Variants in SRSF12 observed in about 807,000 individuals in gnomAD.
SRSF12 encodes serine and arginine rich splicing factor 12.
In SRSF12, 21 loss-of-function variants were observed where a neutral mutation model predicts 34.1. That is an observed-to-expected ratio of 0.62 (90% CI 0.44 to 0.89). The LOEUF (loss-of-function observed/expected upper bound fraction) is 0.89. Among genes scored for constraint, SRSF12 ranks in the 40% least tolerant of loss-of-function variants. The pLI is 0.00. For missense variants in SRSF12, 278 were observed against 327.8 expected, an observed-to-expected ratio of 0.85 and a Z score of 1.17; for synonymous variants, 111 against 110.8, an observed-to-expected ratio of 1.00 and a Z score of -0.01.
intron 1 of SRSF12, among the ~76,000 whole-genome samples, chr6:89,113,207 C>A (rs1185402015): frequency 6.6e-6 from 1 of 152,152 alleles, no homozygotes; most frequent in Non-Finnish European, 1.5e-5. Context: ...CACAATTTCA[C>A]TCTGTCACCC....
chr6:89,108,000 A>G (rs1018842888), intron 1 of SRSF12, among the ~76,000 whole-genome samples: 3 of 152,214 alleles, frequency 2.0e-5, no homozygotes, highest in African/African-American at 7.2e-5. Flanking sequence ...TCTTGTTTTC[A>G]GATAGCAAGA....
chr6:89,098,780 G>C lies in SRSF12; in HGVS notation c.584C>G (p.Ser195Ter), dbSNP rs745951507. The C allele has an allele frequency of 1.2e-6, 2 of 1,613,920 alleles. No homozygotes were observed. The highest frequency in any genetic ancestry group is 1.7e-6 in the Non-Finnish European group (2 of 1,179,862). ...LQKRSKSIGK[S>*]QSSSPQKQTS... ...CTGCTTTTGAGGTGAACTTGACTGT[G>C]ATTTTCCTATTGACTTGGACCTCTT... is the stretch of plus-strand genomic sequence containing the variant. The change falls in exon 5 of 5, where the codon TCA becomes TGA. Residue 195 changes from serine (S) to a stop codon, truncating the protein, a stop_gained. Transcript: ENST00000452027. LOFTEE classifies it high-confidence loss of function.
intron 1 of SRSF12, 92 bp downstream of exon 1, chr6:89,117,731 C>G (rs1235338173): frequency 2.3e-6 from 3 of 1,313,374 alleles, no homozygotes; most frequent in Non-Finnish European, 3.0e-6. Context: ...CGCAGCTCCC[C>G]CGAGCCTCCG....
At chr6:89,107,739 CA>C (rs1026862972) in intron 1 of SRSF12, among the ~76,000 whole-genome samples, 1 of 149,232 alleles carries the variant, frequency 6.7e-6, no homozygotes, top group African/African-American at 2.5e-5. Context: ...GACCCTGTCT[CA>C]AAAAAAAAGA....
chr6:89,104,829 G>A (rs1768710101), intron 4 of SRSF12, among the ~76,000 whole-genome samples: 1 of 152,064 alleles, frequency 6.6e-6, no homozygotes, highest in East Asian at 1.9e-4. Flanking sequence ...GAGGTGGGAG[G>A]AACACTTGAG....
intron 1 of SRSF12, among the ~76,000 whole-genome samples, chr6:89,111,336 A>T (rs1203851450): frequency 1.3e-5 from 2 of 152,134 alleles, no homozygotes; most frequent in Non-Finnish European, 2.9e-5. Flanking sequence ...TCTTGAAAAT[A>T]TGTTGTAGTT....
At chr6:89,111,757 G>C (rs1432259629) in intron 1 of SRSF12, among the ~76,000 whole-genome samples, 1 of 152,044 alleles carries the variant, frequency 6.6e-6, no homozygotes, top group Admixed American at 6.6e-5. Flanking sequence ...TATGATGTTA[G>C]CTATGTTTTT....
At position 89,104,568 on chromosome 6, in the gene SRSF12, C is replaced by T. The variant is rs1408604423; in HGVS notation, c.416+551G>A. ...TATTTTTTTTTACTTTTTTTTTCTG[C>T]TCACTATATATTATCTTCTCATGTA... On this transcript the variant is annotated intron_variant, in intron 4 of 4. Coordinates refer to ENST00000452027, the MANE Select transcript of SRSF12 (RefSeq NM_080743.5). 3.3e-5 allele frequency among the ~76,000 whole-genome samples: 5 copies of T among 151,112 alleles called. No homozygotes were observed. In the South Asian group the frequency reaches 8.3e-4, roughly 25 times the overall value.
intron 1 of SRSF12, among the ~76,000 whole-genome samples, chr6:89,117,520 A>AG (rs1404016652): frequency 1.3e-5 from 2 of 152,224 alleles, no homozygotes; most frequent in East Asian, 1.9e-4. Flanking sequence ...AGCTCGGGAG[A>AG]GGGGCGCCCC....
At chr6:89,115,164 C>T (rs1303094152) in intron 1 of SRSF12, among the ~76,000 whole-genome samples, 1 of 152,056 alleles carries the variant, frequency 6.6e-6, no homozygotes, top group East Asian at 1.9e-4. Flanking sequence ...GTGATGTGAT[C>T]ATCGTTCACT....
At chr6:89,100,751 T>C (rs1202429033) in intron 4 of SRSF12, among the ~76,000 whole-genome samples, 1 of 152,070 alleles carries the variant, frequency 6.6e-6, no homozygotes, top group Admixed American at 6.5e-5. Context: ...ACTAAAAATA[T>C]ATGATATCTG....
chr6:89,111,435 A>G (rs757026091), intron 1 of SRSF12, among the ~76,000 whole-genome samples: 5 of 152,174 alleles, frequency 3.3e-5, no homozygotes, highest in Non-Finnish European at 7.3e-5. Flanking sequence ...ACTGTTTTTT[A>G]AAATTGTCAT....
At chr6:89,113,461 C>T (rs1468996745) in intron 1 of SRSF12, among the ~76,000 whole-genome samples, 1 of 152,040 alleles carries the variant, frequency 6.6e-6, no homozygotes, top group Non-Finnish European at 1.5e-5. Context: ...CGTGAGCCAC[C>T]GCACCCAGCC....
chr6:89,105,756 CA>C (rs1205642314), intron 2 of SRSF12: 1 of 296,418 alleles, frequency 3.4e-6, no homozygotes, highest in Middle Eastern at 1.0e-3. Flanking sequence ...AAGAACAAAA[CA>C]AACATGTAAC....
At chr6:89,105,616 T>C (rs1004023760) in intron 2 of SRSF12, 86 bp from the exon 3 acceptor site, 10 of 990,712 alleles carry the variant, frequency 1.0e-5, no homozygotes, top group South Asian at 2.5e-5. Context: ...ATGAAATTAA[T>C]AGGAAAATCA....
chr6:89,112,447 C>CTTTTT (rs760181452), intron 1 of SRSF12, among the ~76,000 whole-genome samples: 2 of 128,880 alleles, frequency 1.6e-5, no homozygotes, highest in Non-Finnish European at 1.7e-5. Flanking sequence ...TCTTTTCTTT[C>CTTTTT]TTTTTTTTTT....
intron 4 of SRSF12, among the ~76,000 whole-genome samples, chr6:89,103,394 T>C (rs1488150676): frequency 6.6e-6 from 1 of 151,900 alleles, no homozygotes; most frequent in East Asian, 1.9e-4. Context: ...AGTGGCGTGA[T>C]CTCAGCTCAC....
In SRSF12 at chr6:89,105,305, A is replaced by C. The variant is rs373600483; in HGVS notation, c.275-45T>G. The C allele has an allele frequency of 8.2e-6, 13 of 1,581,666 alleles. No homozygotes were observed. In the African/African-American group the frequency reaches 9.5e-5, roughly 12 times the overall value. On this transcript the variant is annotated intron_variant, in intron 3 of 4. Coordinates refer to ENST00000452027, the MANE Select transcript of SRSF12 (RefSeq NM_080743.5). Reference sequence around the variant, plus strand: ...ACTTATGACATAATTCGTTACCTGAACACCACAGTAACAACCACTCAACTA... The same window carrying C: ...ACTTATGACATAATTCGTTACCTGACCACCACAGTAACAACCACTCAACTA...
intron 4 of SRSF12, among the ~76,000 whole-genome samples, chr6:89,101,537 C>T (rs1252881021): frequency 6.6e-6 from 1 of 152,014 alleles, no homozygotes; most frequent in Non-Finnish European, 1.5e-5. Context: ...GCCTGGCCAA[C>T]ATGGAGAAAC....
Sources: gnomAD v4.1 joint callset for allele counts (sites outside exome capture counted in the v4.1 genomes callset) on GRCh38, gnomAD v4.1.1 for gene constraint, MANE v1.5 for transcripts, NCBI Gene and HGNC (gene_info 2026-07-23, HGNC 2026-07-21) for gene names.